STARD7: variants seen among roughly 807,000 people sequenced by gnomAD.
STARD7 encodes the protein stAR-related lipid transfer protein 7, mitochondrial.
Under a neutral mutation model 45.3 loss-of-function variants are expected in STARD7, and 30 were observed. The ratio of observed to expected loss-of-function variants is 0.66; its 90% CI spans 0.50 to 0.90. STARD7 has a LOEUF of 0.90. Ranked by LOEUF, STARD7 falls within the 40% of genes least tolerant of loss-of-function variation. STARD7 has a pLI of 0.00. For synonymous variants in STARD7, 199 were observed against 183.0 expected (o/e 1.09, Z -0.70); for missense variants, 495 against 491.3 (o/e 1.01, Z -0.07).
intron 1 of STARD7, among the ~76,000 whole-genome samples, chr2:96,197,119 A>ACCTAAACTAAACTAAACT (rs1558735922): frequency 1.4e-5 from 2 of 143,970 alleles, no homozygotes; most frequent in Admixed American, 7.3e-5. Flanking sequence ...AATAAAATAA[A>ACCTAAACTAAACTAAACT]ATAAAGCCAA....
At position 96,187,245 on chromosome 2, in the gene STARD7, G is replaced by C; in HGVS notation, c.900C>G (p.Arg300=). 1 of 1,613,802 alleles carries C rather than the reference G, an allele frequency of 6.2e-7. No individual in the cohort carries two copies. The highest frequency in any genetic ancestry group is 8.5e-7 in the Non-Finnish European group (1 of 1,179,712). ...TGGAAACCATCCAACTAACACAGTA[G>C]CGAGGAAACACCGTTTGGGGATTGT... is the stretch of plus-strand genomic sequence containing the variant. ...YSDNPQTVFP[R]YCVSWMVSSG... The change falls in exon 7 of 8, where the codon CGC becomes CGG. Residue 300 remains arginine (R), a synonymous_variant. Transcript: ENST00000337288.
intron 3 of STARD7, among the ~76,000 whole-genome samples, chr2:96,193,648 G>A (rs1558734690): frequency 1.3e-5 from 2 of 152,196 alleles, no homozygotes; most frequent in Non-Finnish European, 2.9e-5. Context: ...AATATATAGT[G>A]ATATGAATGT....
intron 1 of STARD7, among the ~76,000 whole-genome samples, chr2:96,204,564 C>A (rs1313014705): frequency 6.7e-6 from 1 of 149,842 alleles, no homozygotes; most frequent in African/African-American, 2.4e-5. Context: ...CGGAAGGGGG[C>A]GGGAGGGAAG....
rs1039770656 is a variant in STARD7 at position 96,192,284 on chromosome 2, C to T, written c.843+85G>A. ...AGCGAGAACTGTTCCTGCGCCACAC[C>T]CCCTCCTCCCTAGTTCAGGTAAGAC... On this transcript the variant is annotated intron_variant, in intron 6 of 7. Coordinates refer to ENST00000337288, the MANE Select transcript of STARD7 (RefSeq NM_020151.4). 22 of 1,066,088 alleles carry T rather than the reference C, an allele frequency of 2.1e-5. No homozygotes were observed. The East Asian group carries it at 4.0e-4, about 19-fold the overall frequency. The allele number at this position is 1,066,088 out of a possible 1,614,324, so 66.0% of individuals were successfully genotyped here. A position where few individuals can be genotyped will look rare whatever the true frequency, so the allele number is the denominator to read the frequency against.
intron 7 of STARD7, 90 bp downstream of exon 7, chr2:96,187,127 A>G: frequency 1.9e-6 from 2 of 1,080,814 alleles, no homozygotes; most frequent in Non-Finnish European, 2.7e-6. Context: ...AAGAAGAACC[A>G]GAAGAGACGT....
In STARD7 at chr2:96,208,130, C is replaced by A. The variant is rs748967896; in HGVS notation, c.290+15G>T. 1.3e-6 allele frequency: 2 copies of A among 1,525,060 alleles called. No individual in the cohort carries two copies. The highest frequency in any genetic ancestry group is 2.1e-5 in the Admixed American group (1 of 47,112). The allele number at this position is 1,525,060 out of a possible 1,614,324, so 94.5% of individuals were successfully genotyped here. ...CCCACCCCACGGCCCAGAAAGAGCTCGCCGCAGCGCCCACCTCTGCAACTC... is the reference window on the plus strand; with the variant it reads ...CCCACCCCACGGCCCAGAAAGAGCTAGCCGCAGCGCCCACCTCTGCAACTC... On this transcript the variant is annotated intron_variant, in intron 1 of 7. Transcript: ENST00000337288.
intron 1 of STARD7, among the ~76,000 whole-genome samples, chr2:96,204,831 C>T (rs1177453041): frequency 6.7e-6 from 1 of 148,462 alleles, no homozygotes; most frequent in Non-Finnish European, 1.5e-5. Context: ...TGAAGTTTAA[C>T]ATATCCCGAA....
At chr2:96,193,614 T>C (rs1683160097) in intron 3 of STARD7, among the ~76,000 whole-genome samples, 1 of 152,204 alleles carries the variant, frequency 6.6e-6, no homozygotes, top group Non-Finnish European at 1.5e-5. Context: ...ACAAAATATT[T>C]TAATAGACAC....
chr2:96,197,116 T>TAAAATAAAATAAAAAAAAAA (rs1683232869), intron 1 of STARD7, among the ~76,000 whole-genome samples: 1 of 136,174 alleles, frequency 7.3e-6, no homozygotes, highest in Non-Finnish European at 1.6e-5. Flanking sequence ...TAAAATAAAA[T>TAAAATAAAATAAAAAAAAAA]AAAATAAAGC....
chr2:96,187,238 C>A lies in STARD7; in HGVS notation c.907G>T (p.Val303Phe), dbSNP rs997703035. The change falls in exon 7 of 8, where the codon GTT (valine) becomes TTT (phenylalanine). Residue 303 changes from valine (V) to phenylalanine (F), a missense_variant. Val to Phe is a conservative substitution (Grantham distance 50). Transcript: ENST00000337288. The stretch of plus-strand genomic sequence containing the variant: ...TTACCACTGGAAACCATCCAACTAA[C>A]ACAGTAGCGAGGAAACACCGTTTGG... ...NPQTVFPRYC[V>F]SWMVSSGMPD... The A allele has an allele frequency of 1.2e-6, 2 of 1,613,410 alleles. No homozygotes were observed.
At chr2:96,206,313 A>C (rs1192580381) in intron 1 of STARD7, among the ~76,000 whole-genome samples, 1 of 152,110 alleles carries the variant, frequency 6.6e-6, no homozygotes, top group Non-Finnish European at 1.5e-5. Flanking sequence ...CTACTACGTA[A>C]GCCCCAACAC....
chr2:96,204,749 C>CAAAAAAAAAAAAAAAAAA (rs397959036), intron 1 of STARD7, among the ~76,000 whole-genome samples: 7 of 96,138 alleles, frequency 7.3e-5, no homozygotes, highest in East Asian at 3.1e-4. Context: ...TGACAATGGC[C>CAAAAAAAAAAAAAAAAAA]AAAAAAAAAA....
chr2:96,204,674 T>C (rs1294593916), intron 1 of STARD7, among the ~76,000 whole-genome samples: 1 of 150,152 alleles, frequency 6.7e-6, no homozygotes, highest in Non-Finnish European at 1.5e-5. Context: ...AATTGAGATC[T>C]AATTTTATGT....
rs750807420 is a variant in STARD7, at chr2:96,208,819, G to A, written c.-385C>T. 4.0e-5 allele frequency: 16 copies of A among 402,060 alleles called. No individual in the cohort carries two copies. The Middle Eastern group carries it at 9.2e-4, about 23-fold the overall frequency. 24.9% of individuals were successfully genotyped at this position (402,060 alleles called of 1,614,324 possible). ...GCACGCAAGCTCCCGCGCCTTCCGC[G>A]ACTGCCACACGCGCGGCGCGCGCGC... On this transcript the variant is annotated 5_prime_UTR_variant, in exon 1 of 8. Coordinates refer to ENST00000337288, the MANE Select transcript of STARD7 (RefSeq NM_020151.4).
chr2:96,208,519 C>G lies in STARD7; in HGVS notation c.-85G>C. 8.1e-7 allele frequency: 1 copy of G among 1,231,674 alleles called. No individual in the cohort carries two copies. Among genetic ancestry groups the G allele is most frequent in the Non-Finnish European group, 1.0e-6 (1 of 955,280 alleles). 76.3% of individuals were successfully genotyped at this position (1,231,674 alleles called of 1,614,324 possible). On this transcript the variant is annotated 5_prime_UTR_variant, in exon 1 of 8. An upstream open reading frame in the 5' UTR loses its in-frame stop. Coordinates refer to ENST00000337288, the MANE Select transcript of STARD7 (RefSeq NM_020151.4). ...CGCAGGCGGTGGTCGCAGCGTCCCCCTAAATGGCCGGCCACGAACCCGTCT... is the reference window on the plus strand; with the variant it reads ...CGCAGGCGGTGGTCGCAGCGTCCCCGTAAATGGCCGGCCACGAACCCGTCT...
At chr2:96,202,814 A>G (rs1217268337) in intron 1 of STARD7, among the ~76,000 whole-genome samples, 2 of 152,370 alleles carry the variant, frequency 1.3e-5, no homozygotes, top group East Asian at 3.9e-4. Flanking sequence ...TCGTACTAAA[A>G]CATCAGAGGC....
intron 1 of STARD7, among the ~76,000 whole-genome samples, chr2:96,200,913 T>C (rs946939613): frequency 1.2e-4 from 18 of 152,144 alleles, no homozygotes; most frequent in African/African-American, 4.3e-4. Flanking sequence ...ATACACTCTA[T>C]TGCAATTCAA....
chr2:96,189,161 C>T (rs1343174557), intron 6 of STARD7, among the ~76,000 whole-genome samples: 1 of 152,068 alleles, frequency 6.6e-6, no homozygotes, highest in Non-Finnish European at 1.5e-5. Flanking sequence ...GTTGCCCAGG[C>T]TGATCTCAAA....
In STARD7 at chr2:96,193,358, G is replaced by C. The variant is rs900824589; in HGVS notation, c.550-6C>G. ...TTTCTATACTCTGTGTCCAGCTGCA[G>C]AAAGAGAAAAGACCATGAATACCCA... On this transcript the variant is annotated splice_region_variant and splice_polypyrimidine_tract_variant and intron_variant, in intron 3 of 7. Transcript: ENST00000337288. 1 of 1,595,044 alleles carries C rather than the reference G, an allele frequency of 6.3e-7. No homozygotes were observed. Among genetic ancestry groups the C allele is most frequent in the Non-Finnish European group, 8.6e-7 (1 of 1,162,810 alleles).
Sources: allele counts gnomAD v4.1 joint callset (sites outside exome capture counted in the v4.1 genomes callset), GRCh38; gene constraint gnomAD v4.1.1; transcripts MANE v1.5; gene names NCBI Gene and HGNC (gene_info 2026-07-23, HGNC 2026-07-21).